DIS3: variants seen among roughly 807,000 people sequenced by gnomAD.
The protein encoded by DIS3 is DIS3 exosome endoribonuclease and 3'-5' exoribonuclease.
Under a neutral mutation model 113.0 loss-of-function variants are expected in DIS3, and 103 were observed. The observed-to-expected ratio is 0.91, with a 90% CI of 0.78 to 1.07. The LOEUF (loss-of-function observed/expected upper bound fraction) is 1.07. Ranked by LOEUF, DIS3 falls within the 50% of genes least tolerant of loss-of-function variation. The probability of loss-of-function intolerance (pLI) is 0.00; values close to 1 mark genes in which losing one functional copy is unlikely to be tolerated. For synonymous variants in DIS3, 402 were observed against 394.3 expected (o/e 1.02, Z -0.23); for missense variants, 1,121 against 1,167.1 (o/e 0.96, Z 0.58).
At chr13:72,781,262 CAT>C (rs1403626946) in intron 1 of DIS3, 2 of 1,550,778 alleles carry the variant, frequency 1.3e-6, no homozygotes, top group African/African-American at 1.4e-5. Flanking sequence ...CGTTGGCCCA[CAT>C]AGTTTTTTGT....
chr13:72,767,468 A>G (rs1162547520), intron 14 of DIS3, among the ~76,000 whole-genome samples: 6 of 152,144 alleles, frequency 3.9e-5, no homozygotes, highest in Non-Finnish European at 8.8e-5. Context: ...AGTTTTGCTC[A>G]AGTTTAATAG....
At position 72,774,019 on chromosome 13, in the gene DIS3, C is replaced by A. The variant is rs199665121; in HGVS notation, c.1028G>T (p.Gly343Val). ...CCTTTTTATTATTCCTACAACTCTA[C>A]CTGTAGGCTTCAACATTTTCTCGCT... ...AVSEKMLKPTGRVVGIIKRNW... is the reference protein window; with the variant it reads ...AVSEKMLKPTVRVVGIIKRNW... Residue 343 changes from glycine to valine, a missense_variant, in exon 7 of 21, where the codon GGT becomes GTT. Physicochemically the swap from Gly to Val is moderately radical, Grantham distance 109. Coordinates refer to ENST00000377767, the MANE Select transcript of DIS3 (RefSeq NM_014953.5). 3.7e-6 allele frequency: 6 copies of A among 1,610,240 alleles called. No individual in the cohort carries two copies. In the East Asian group the frequency reaches 1.3e-4, roughly 36 times the overall value.
At chr13:72,775,411 T>A (rs752541568) in intron 5 of DIS3, 36 bp from the exon 6 acceptor site, 3 of 1,554,130 alleles carry the variant, frequency 1.9e-6, no homozygotes, top group South Asian at 2.5e-5. Context: ...GCCCAAATTA[T>A]TTTTAATGGC....
rs1198618507 is a variant in DIS3, at chr13:72,757,423, C to CTT, written c.*2370_*2371dup. 6,265 of 68,430 alleles carry CTT rather than the reference C, an allele frequency of 0.092. 1,328 individuals are homozygous for CTT. Among genetic ancestry groups the CTT allele is most frequent in the Non-Finnish European group, 0.14 (4,895 of 33,836 alleles). The allele number at this position is 68,430 out of a possible 1,614,324, so 4.2% of individuals were successfully genotyped here. ...CACCACACCTGGCTAATTTTCTTTTCTTTTTTTTTTTTTTTTTTTGCGATG... is the reference window on the plus strand; with the variant it reads ...CACCACACCTGGCTAATTTTCTTTTCTTTTTTTTTTTTTTTTTTTTTGCGATG... On this transcript the variant is annotated 3_prime_UTR_variant, in exon 21 of 21. Coordinates refer to ENST00000377767, the MANE Select transcript of DIS3 (RefSeq NM_014953.5).
At position 72,761,790 on chromosome 13, in the gene DIS3, C is replaced by A. The variant is rs754860596; in HGVS notation, c.2367G>T (p.Arg789=). 1 of 1,613,174 alleles carries A rather than the reference C, an allele frequency of 6.2e-7. No individual in the cohort carries two copies. The highest frequency in any genetic ancestry group is 1.1e-5 in the South Asian group (1 of 90,768). ...CAGCCCCAATAGCCACAGCCAAAAG[C>A]CGATGAACAATGACATCTGCGTATC... The part of the protein sequence containing the change: ...IRRYADVIVH[R]LLAVAIGADC... The change falls in exon 18 of 21, where the codon CGG becomes CGT. Residue 789 remains arginine (R), a synonymous_variant. Coordinates refer to ENST00000377767, the MANE Select transcript of DIS3 (RefSeq NM_014953.5).
rs755789620 is a variant in DIS3 at position 72,771,110 on chromosome 13, G to A, written c.1641C>T (p.Asn547=). 3 of 1,613,216 alleles carry A rather than the reference G, an allele frequency of 1.9e-6. No homozygotes were observed. The highest frequency in any genetic ancestry group is 8.5e-7 in the Non-Finnish European group (1 of 1,179,656). ...CCACGTCACATTTTAAGGAACACAAGTTAGAGCTAAGCAACTCTGGAACCA... is the reference window on the plus strand; with the variant it reads ...CCACGTCACATTTTAAGGAACACAAATTAGAGCTAAGCAACTCTGGAACCA... The part of the protein sequence containing the change: ...IDMVPELLSS[N]LCSLKCDVDR... The change falls in exon 12 of 21, where the codon AAC becomes AAT. Residue 547 remains asparagine, a synonymous_variant. Coordinates refer to ENST00000377767, the MANE Select transcript of DIS3 (RefSeq NM_014953.5).
rs2033584646 is a variant in DIS3 at position 72,759,928 on chromosome 13, C to CATCTCA, written c.2794-56_2794-51dup. The CATCTCA allele has an allele frequency of 2.1e-6, 3 of 1,424,862 alleles. No individual in the cohort carries two copies. The African/African-American group carries it at 4.3e-5, about 20-fold the overall frequency. The allele number at this position is 1,424,862 out of a possible 1,614,324, so 88.3% of individuals were successfully genotyped here. On this transcript the variant is annotated intron_variant, in intron 20 of 20. Coordinates refer to ENST00000377767, the MANE Select transcript of DIS3 (RefSeq NM_014953.5). The stretch of plus-strand genomic sequence containing the variant: ...ATAAGGTGATTTAAAGGATAGAATA[C>CATCTCA]ATCTCAACCTCATCCTCCCCTTCCC...
chr13:72,761,884 C>A, intron 17 of DIS3, 39 bp downstream of exon 17: 1 of 1,611,868 alleles, frequency 6.2e-7, no homozygotes, highest in Non-Finnish European at 8.5e-7. Flanking sequence ...TCAAAATTAA[C>A]CATTTTCTAT....
At chr13:72,768,720 T>C in intron 14 of DIS3, 65 bp downstream of exon 14, 1 of 1,236,868 alleles carries the variant, frequency 8.1e-7, no homozygotes, top group Non-Finnish European at 1.1e-6. Context: ...AATTCATCAT[T>C]GCCTATGATC....
intron 1 of DIS3, chr13:72,781,246 G>C: frequency 6.5e-7 from 1 of 1,546,502 alleles, no homozygotes; most frequent in Non-Finnish European, 8.7e-7. Flanking sequence ...TATTAATAAA[G>C]GAATACGTTG....
At chr13:72,765,506 T>C (rs1165502988) in intron 15 of DIS3, among the ~76,000 whole-genome samples, 1 of 152,108 alleles carries the variant, frequency 6.6e-6, no homozygotes, top group Non-Finnish European at 1.5e-5. Flanking sequence ...TAGATTATCA[T>C]AAGAAGTGCA....
Position 72,753,872 on chromosome 13 carries a change from AAAT to A in DIS3, c.*5920_*5922del. The A allele has an allele frequency of 6.6e-7, 1 of 1,504,296 alleles. No homozygotes were observed. The highest frequency in any genetic ancestry group is 1.2e-5 in the South Asian group (1 of 82,360). 93.2% of individuals were successfully genotyped at this position (1,504,296 alleles called of 1,614,324 possible). On this transcript the variant is annotated 3_prime_UTR_variant, in exon 21 of 21. Transcript: ENST00000377767. ...TAATATTGTTTAGATTAGAAATATA[AAAT>A]AATTTTGATTATTAGACAATAGTAC...
In DIS3 at chr13:72,759,773, T is replaced by G. The variant is rs763172124; in HGVS notation, c.*22A>C. On this transcript the variant is annotated 3_prime_UTR_variant, in exon 21 of 21. Coordinates refer to ENST00000377767, the MANE Select transcript of DIS3 (RefSeq NM_014953.5). ...TTCTTTTAAAAAAGAAACCAGTCTT[T>G]GAAGATTTTTGTTGAATATAGCTAT... is the stretch of plus-strand genomic sequence containing the variant. 1 of 1,595,130 alleles carries G rather than the reference T, an allele frequency of 6.3e-7. No homozygotes were observed. The highest frequency in any genetic ancestry group is 8.6e-7 in the Non-Finnish European group (1 of 1,168,132).
chr13:72,777,813 C>T (rs2034054223), intron 3 of DIS3, among the ~76,000 whole-genome samples: 2 of 151,718 alleles, frequency 1.3e-5, no homozygotes, highest in South Asian at 4.2e-4. Flanking sequence ...TCCTGAACTC[C>T]TGGTCTCAAG....
intron 19 of DIS3, 86 bp from the exon 20 acceptor site, chr13:72,760,737 AG>A (rs2138148413): frequency 6.8e-7 from 1 of 1,463,744 alleles, no homozygotes; most frequent in East Asian, 2.3e-5. Flanking sequence ...CTTACATAGT[AG>A]AAGTTTAAAT....
Position 72,758,023 on chromosome 13 carries a change from C to A in DIS3, c.*1772G>T. ...CATTCACTAACCACTTACTGACTCACCCAGAGCCAGCTTCCAGTCCTGCCA... is the reference window on the plus strand; with the variant it reads ...CATTCACTAACCACTTACTGACTCAACCAGAGCCAGCTTCCAGTCCTGCCA... On this transcript the variant is annotated 3_prime_UTR_variant, in exon 21 of 21. Transcript: ENST00000377767. 1 of 194,946 alleles carries A rather than the reference C, an allele frequency of 5.1e-6. No individual in the cohort carries two copies. The allele number at this position is 194,946 out of a possible 1,614,324, so 12.1% of individuals were successfully genotyped here. A position where few individuals can be genotyped will look rare whatever the true frequency, so the allele number is the denominator to read the frequency against.
rs533243694 is a variant in DIS3, at chr13:72,776,036, TAGCTTACTTAAGGGAAGATGCTCTG to T, written c.686_710del (p.Ser229TyrfsTer5). 1.2e-6 allele frequency: 2 copies of T among 1,608,392 alleles called. No individual in the cohort carries two copies. Among genetic ancestry groups the T allele is most frequent in the Non-Finnish European group, 1.7e-6 (2 of 1,178,446 alleles). Reference sequence around the variant, plus strand: ...ATGTACCAGATTTTATGCCTTGCTGTAGCTTACTTAAGGGAAGATGCTCTGAAAATATTATTTTTCCACTTTCTAT... The same window carrying T: ...ATGTACCAGATTTTATGCCTTGCTGTAAAATATTATTTTTCCACTTTCTAT... On this transcript the variant is annotated frameshift_variant, in exon 5 of 21. Coordinates refer to ENST00000377767, the MANE Select transcript of DIS3 (RefSeq NM_014953.5). LOFTEE classifies it high-confidence loss of function.
Position 72,781,878 on chromosome 13 carries a change from C to T in DIS3, c.-46G>A, listed in dbSNP as rs749549160. On this transcript the variant is annotated 5_prime_UTR_variant, in exon 1 of 21. Transcript: ENST00000377767. Reference sequence around the variant, plus strand: ...CCTAACCCCAGCAGCGCTCTTCCAGCAAAAGGCGTCAATCTAGAATACGCC... The same window carrying T: ...CCTAACCCCAGCAGCGCTCTTCCAGTAAAAGGCGTCAATCTAGAATACGCC... 43 of 1,471,752 alleles carry T rather than the reference C, an allele frequency of 2.9e-5. No individual in the cohort carries two copies. The highest frequency in any genetic ancestry group is 3.8e-5 in the Non-Finnish European group (42 of 1,100,660). The allele number at this position is 1,471,752 out of a possible 1,614,324, so 91.2% of individuals were successfully genotyped here.
rs1187422373 is a variant in DIS3, at chr13:72,761,863, G to A, written c.2343-49C>T. On this transcript the variant is annotated intron_variant, in intron 17 of 20. Transcript: ENST00000377767. ...CCATGGTATGTCAGTACTAATATGT[G>A]CTTTTAAAATTCAAAATTAACCATT... 8.1e-6 allele frequency: 13 copies of A among 1,611,590 alleles called. No homozygotes were observed. In the East Asian group the frequency reaches 2.7e-4, roughly 33 times the overall value.
Sources: gnomAD v4.1 joint callset for allele counts (sites outside exome capture counted in the v4.1 genomes callset) on GRCh38, gnomAD v4.1.1 for gene constraint, MANE v1.5 for transcripts, NCBI Gene and HGNC (gene_info 2026-07-23, HGNC 2026-07-21) for gene names.